Variants in CEP112 observed in about 807,000 individuals in gnomAD.
CEP112 encodes centrosomal protein 112, also known as centrosomal protein of 112 kDa.
A neutral mutation model predicts 153.0 loss-of-function variants in CEP112; 127 were observed. That is an observed-to-expected ratio of 0.83 (90% CI 0.72 to 0.96). CEP112 has a LOEUF of 0.96. CEP112 is among the 40% of genes least tolerant of loss of function. The probability of loss-of-function intolerance (pLI) is 0.00; values close to 1 mark genes in which losing one functional copy is unlikely to be tolerated. For missense variants in CEP112, 1,089 were observed against 1,101.2 expected (o/e 0.99, Z 0.16); for synonymous variants, 358 against 374.4 (o/e 0.96, Z 0.51).
At chr17:66,078,681 G>C (rs541995533) in intron 8 of CEP112, among the ~76,000 whole-genome samples, 11 of 151,878 alleles carry the variant, frequency 7.2e-5, no homozygotes, top group South Asian at 4.1e-4. Context: ...TTTAATTTTT[G>C]TTTTTGTTTT....
intron 8 of CEP112, among the ~76,000 whole-genome samples, chr17:66,085,930 C>G (rs910706087): frequency 2.2e-5 from 3 of 139,216 alleles, no homozygotes; most frequent in Admixed American, 7.9e-5. Context: ...TGAGCTGAAA[C>G]TACGCCACTC....
intron 19 of CEP112, among the ~76,000 whole-genome samples, chr17:65,911,337 T>C (rs1203218387): frequency 6.6e-6 from 1 of 152,160 alleles, no homozygotes; most frequent in African/African-American, 2.4e-5. Flanking sequence ...AATACTATGG[T>C]TGACAAAATA....
intron 24 of CEP112, among the ~76,000 whole-genome samples, chr17:65,650,011 T>C (rs1327192758): frequency 6.6e-6 from 1 of 152,236 alleles, no homozygotes; most frequent in East Asian, 1.9e-4. Context: ...GGCCCTGTAC[T>C]GTCTGGCCCT....
At chr17:65,914,805 C>A (rs2060413890) in intron 19 of CEP112, among the ~76,000 whole-genome samples, 2 of 152,148 alleles carry the variant, frequency 1.3e-5, no homozygotes, top group South Asian at 4.1e-4. Flanking sequence ...CCTCTAGATA[C>A]CACTCATTTC....
At chr17:65,989,670 T>C (rs1038719721) in intron 17 of CEP112, among the ~76,000 whole-genome samples, 1 of 152,100 alleles carries the variant, frequency 6.6e-6, no homozygotes, top group Non-Finnish European at 1.5e-5. Flanking sequence ...AAGAAAACAT[T>C]TGAAGGTAAG....
intron 20 of CEP112, among the ~76,000 whole-genome samples, chr17:65,883,003 T>C (rs911199125): frequency 2.6e-5 from 4 of 152,132 alleles, no homozygotes; most frequent in African/African-American, 9.7e-5. Context: ...CACATGCATA[T>C]GTTTGCTGAG....
At chr17:66,045,244 A>G (rs28654356) in intron 12 of CEP112, among the ~76,000 whole-genome samples, 1 of 151,768 alleles carries the variant, frequency 6.6e-6, no homozygotes, top group African/African-American at 2.4e-5. Context: ...TAATTTTTTT[A>G]TTTTTTGTAG....
At chr17:65,859,325 AG>A (rs1232896153) in intron 20 of CEP112, among the ~76,000 whole-genome samples, 4 of 151,586 alleles carry the variant, frequency 2.6e-5, no homozygotes, top group African/African-American at 9.7e-5. Flanking sequence ...CTGTAATCTC[AG>A]CTACTTGGGA....
At position 66,191,384 on chromosome 17, in the gene CEP112, G is replaced by C. The variant is rs2073157085; in HGVS notation, c.-9+613C>G. Among the ~76,000 whole-genome samples, 1 of 152,174 alleles carries C rather than the reference G, an allele frequency of 6.6e-6. No homozygotes were observed. On this transcript the variant is annotated intron_variant, in intron 1 of 26. Coordinates refer to ENST00000535342, the MANE Select transcript of CEP112 (RefSeq NM_001199165.4). The surrounding 1 kb of genome is among the most constrained non-coding windows in gnomAD (Gnocchi z 4.2). ...AAGTAGCCGTGCAATGATCAGAAAA[G>C]CTGTTCACATTTACTTATGTCGTTC...
chr17:66,154,596 C>A (rs1480374046), intron 4 of CEP112, among the ~76,000 whole-genome samples: 1 of 152,118 alleles, frequency 6.6e-6, no homozygotes, highest in Admixed American at 6.5e-5. Context: ...TTAGCCATGA[C>A]CCCTACCTCA....
chr17:65,653,667 A>G (rs1315337922), intron 24 of CEP112, among the ~76,000 whole-genome samples: 1 of 152,220 alleles, frequency 6.6e-6, no homozygotes, highest in East Asian at 1.9e-4. Context: ...CAGATGTAAC[A>G]TAAACAGGAA....
intron 23 of CEP112, among the ~76,000 whole-genome samples, chr17:65,694,533 G>T (rs891777055): frequency 6.6e-6 from 1 of 152,156 alleles, no homozygotes; most frequent in Non-Finnish European, 1.5e-5. Context: ...GTTAATCAGA[G>T]AAAGCAGTTG....
chr17:66,169,602 T>C (rs983100778), intron 4 of CEP112, among the ~76,000 whole-genome samples: 6 of 152,070 alleles, frequency 3.9e-5, no homozygotes, highest in Non-Finnish European at 8.8e-5. Flanking sequence ...CTTAATTATA[T>C]AGGTGTGGAT....
chr17:65,758,070 A>C (rs1289760997), intron 21 of CEP112, among the ~76,000 whole-genome samples: 1 of 152,146 alleles, frequency 6.6e-6, no homozygotes, highest in African/African-American at 2.4e-5. Flanking sequence ...CTAGGCTCAA[A>C]GGATCCCTCA....
intron 8 of CEP112, among the ~76,000 whole-genome samples, chr17:66,092,356 A>ACACACACACAC (rs1555794869): frequency 7.4e-6 from 1 of 135,064 alleles, no homozygotes; most frequent in South Asian, 2.7e-4. Flanking sequence ...CATTAATTTA[A>ACACACACACAC]ACACACACAC....
At chr17:65,901,153 A>T (rs2059833163) in intron 20 of CEP112, among the ~76,000 whole-genome samples, 1 of 151,962 alleles carries the variant, frequency 6.6e-6, no homozygotes, top group Non-Finnish European at 1.5e-5. Context: ...TGAAAGACAT[A>T]ATATAACAGA....
At chr17:66,071,676 TTC>T (rs1454794896) in intron 8 of CEP112, among the ~76,000 whole-genome samples, 1 of 152,138 alleles carries the variant, frequency 6.6e-6, no homozygotes, top group Non-Finnish European at 1.5e-5. Flanking sequence ...ATCATTCAGA[TTC>T]TCTCTCAAGA....
At chr17:66,062,920 G>A (rs749406373) in intron 11 of CEP112, 43 bp downstream of exon 11, 2 of 939,210 alleles carry the variant, frequency 2.1e-6, no homozygotes, top group South Asian at 1.8e-5. Flanking sequence ...TTACTTGGAA[G>A]CATAAACTTT....
At chr17:65,728,613 T>G (rs1362891069) in intron 23 of CEP112, among the ~76,000 whole-genome samples, 3 of 152,220 alleles carry the variant, frequency 2.0e-5, no homozygotes, top group Non-Finnish European at 4.4e-5. Context: ...TATGCCATTG[T>G]GGTATAATTG....
Sources: gnomAD v4.1 joint callset for allele counts (sites outside exome capture counted in the v4.1 genomes callset) on GRCh38, gnomAD v4.1.1 for gene constraint, Gnocchi (gnomAD v3.1) non-coding constraint, MANE v1.5 for transcripts, NCBI Gene and HGNC (gene_info 2026-07-23, HGNC 2026-07-21) for gene names.